Variants in COL26A1 observed in about 807,000 individuals in gnomAD.
COL26A1 encodes the protein collagen alpha-1(XXVI) chain.
A neutral mutation model predicts 59.3 loss-of-function variants in COL26A1; 41 were observed. The ratio of observed to expected loss-of-function variants is 0.69; its 90% CI spans 0.54 to 0.90. The LOEUF (loss-of-function observed/expected upper bound fraction) is 0.90, where lower values mean the gene tolerates loss of function less well. Among genes scored for constraint, COL26A1 ranks in the 40% least tolerant of loss-of-function variants. COL26A1 has a pLI of 0.00. For synonymous variants in COL26A1, 266 were observed against 256.0 expected, an observed-to-expected ratio of 1.04 and a Z score of -0.37; for missense variants, 612 against 602.3, an observed-to-expected ratio of 1.02 and a Z score of -0.17.
chr7:101,531,511 A>G (rs972926207), intron 3 of COL26A1, among the ~76,000 whole-genome samples: 10 of 152,128 alleles, frequency 6.6e-5, no homozygotes, highest in Non-Finnish European at 1.3e-4. Flanking sequence ...TATGGAGGAG[A>G]AAGAGTTCTA....
rs80322812 is a variant in COL26A1, at chr7:101,408,375, C to T, written c.159-11602C>T. Among the ~76,000 whole-genome samples, 226 of 152,298 alleles carry T rather than the reference C, an allele frequency of 1.5e-3. 1 individual carries two copies. Among genetic ancestry groups the T allele is most frequent in the South Asian group, 2.9e-3 (14 of 4,828 alleles). On this transcript the variant is annotated intron_variant, in intron 1 of 12. Coordinates refer to ENST00000313669, the MANE Select transcript of COL26A1 (RefSeq NM_001278563.3). ...GGGATATGTCCAGGCTTTTCAAGTGCGCCTCCACCAGTCACAGGATGGAGG... is the reference window on the plus strand; with the variant it reads ...GGGATATGTCCAGGCTTTTCAAGTGTGCCTCCACCAGTCACAGGATGGAGG...
intron 3 of COL26A1, among the ~76,000 whole-genome samples, chr7:101,489,826 CTTTCTTTCTTTCTTTCTTT>C: frequency 1.1e-4 from 1 of 9,380 alleles, no homozygotes; most frequent in Non-Finnish European, 1.7e-4. Flanking sequence ...TTCTTTCTTT[CTTTCTTTCTTTCTTTCTTT>C]CTTTCTTTCT....
intron 3 of COL26A1, among the ~76,000 whole-genome samples, chr7:101,476,738 G>A (rs1014512022): frequency 4.7e-5 from 7 of 150,180 alleles, no homozygotes; most frequent in African/African-American, 1.5e-4. Context: ...TAGTAGAGAC[G>A]GGGTTTTACC....
At chr7:101,537,076 G>A (rs1562794715) in intron 4 of COL26A1, among the ~76,000 whole-genome samples, 1 of 152,200 alleles carries the variant, frequency 6.6e-6, no homozygotes, top group Non-Finnish European at 1.5e-5. Context: ...CCTTTCCTGG[G>A]TCACATGTAC....
intron 1 of COL26A1, among the ~76,000 whole-genome samples, chr7:101,381,336 CCT>C (rs1791442444): frequency 6.6e-6 from 1 of 151,980 alleles, no homozygotes; most frequent in African/African-American, 2.4e-5. Context: ...GATCTTCCTG[CCT>C]CTCTCTTGTA....
At chr7:101,496,273 T>A (rs74843217) in intron 3 of COL26A1, among the ~76,000 whole-genome samples, 3,412 of 152,054 alleles carry the variant, frequency 0.022, 62 homozygotes, top group Non-Finnish European at 0.036. Flanking sequence ...GGCCATGGGG[T>A]TAATGCCCGG....
chr7:101,363,101 C>T lies in COL26A1; in HGVS notation c.69C>T (p.Phe23=), dbSNP rs4989266. 801,298 of 1,559,140 alleles carry T rather than the reference C, an allele frequency of 0.51. 210,201 individuals are homozygous for T. Among genetic ancestry groups the T allele is most frequent in the African/African-American group, 0.8 (57,746 of 72,004 alleles). Residue 23 remains phenylalanine, a synonymous_variant, in exon 1 of 13, where the codon TTC becomes TTT. Transcript: ENST00000313669. ...CLCGSALATG[F]LYPFSAAALQ... ...GCGGGTCGGCGCTGGCCACCGGCTT[C>T]CTCTATCCCTTCTCGGCCGCAGCTC...
chr7:101,403,570 G>T (rs1403193596), intron 1 of COL26A1, among the ~76,000 whole-genome samples: 4 of 151,930 alleles, frequency 2.6e-5, no homozygotes, highest in Admixed American at 6.6e-5. Context: ...TAGAGACCAG[G>T]TCTTGCTATA....
At chr7:101,444,643 G>C (rs28521824) in intron 2 of COL26A1, among the ~76,000 whole-genome samples, 2 of 151,736 alleles carry the variant, frequency 1.3e-5, no homozygotes, top group East Asian at 1.9e-4. Flanking sequence ...TTGAACTCCC[G>C]ACCTCAGGTG....
chr7:101,426,020 T>G (rs908680720), intron 2 of COL26A1, among the ~76,000 whole-genome samples: 2 of 151,860 alleles, frequency 1.3e-5, no homozygotes, highest in African/African-American at 4.8e-5. Context: ...AGGGATGAGG[T>G]TTCACCATGT....
intron 12 of COL26A1, 69 bp from the exon 13 acceptor site, chr7:101,557,301 C>T (rs2130695220): frequency 6.7e-7 from 1 of 1,499,360 alleles, no homozygotes; most frequent in African/African-American, 1.4e-5. Flanking sequence ...GGCCACATAT[C>T]ATGATCAAAT....
intron 1 of COL26A1, among the ~76,000 whole-genome samples, chr7:101,386,716 C>T (rs11764378): frequency 0.055 from 8,391 of 152,268 alleles, 260 homozygotes; most frequent in East Asian, 0.086. Flanking sequence ...CCAACTCACG[C>T]AGGAGCTCAC....
intron 12 of COL26A1, among the ~76,000 whole-genome samples, chr7:101,556,876 G>A (rs913303123): frequency 8.7e-5 from 13 of 150,160 alleles, no homozygotes; most frequent in African/African-American, 3.2e-4. Flanking sequence ...TAGATGCATA[G>A]ATAAATGAAT....
intron 3 of COL26A1, among the ~76,000 whole-genome samples, chr7:101,483,050 C>T (rs1048722467): frequency 3.9e-5 from 6 of 151,998 alleles, no homozygotes; most frequent in Non-Finnish European, 5.9e-5. Context: ...GGATCTTTTA[C>T]GGCCTCAACC....
At chr7:101,446,828 C>G (rs1272817864) in intron 2 of COL26A1, among the ~76,000 whole-genome samples, 1 of 146,252 alleles carries the variant, frequency 6.8e-6, no homozygotes, top group African/African-American at 2.5e-5. Context: ...GCCTGGGCAA[C>G]AGAGTGAGAC....
At chr7:101,475,805 CTTCT>C (rs57833462) in intron 3 of COL26A1, among the ~76,000 whole-genome samples, 50,796 of 114,870 alleles carry the variant, frequency 0.44, 9,730 homozygotes, top group African/African-American at 0.51. Flanking sequence ...TCCTTCCTTC[CTTCT>C]TTCTTTCTTT....
intron 3 of COL26A1, among the ~76,000 whole-genome samples, chr7:101,475,908 C>T (rs1794033539): frequency 6.8e-6 from 1 of 147,974 alleles, no homozygotes; most frequent in African/African-American, 2.5e-5. Flanking sequence ...CTCTCTTTCT[C>T]TCTCTCTCTC....
At chr7:101,514,493 GAC>G (rs1421742057) in intron 3 of COL26A1, among the ~76,000 whole-genome samples, 4 of 152,192 alleles carry the variant, frequency 2.6e-5, no homozygotes, top group Admixed American at 2.0e-4. Context: ...TGAGTCAGGG[GAC>G]CCAGGGTTGT....
chr7:101,485,816 A>G (rs1169721261), intron 3 of COL26A1, among the ~76,000 whole-genome samples: 2 of 152,144 alleles, frequency 1.3e-5, no homozygotes, highest in South Asian at 2.1e-4. Context: ...CGCGGCAGCC[A>G]TGTGACCTTG....
Sources: allele counts gnomAD v4.1 joint callset (sites outside exome capture counted in the v4.1 genomes callset), GRCh38; gene constraint gnomAD v4.1.1; transcripts MANE v1.5; gene names NCBI Gene and HGNC (gene_info 2026-07-23, HGNC 2026-07-21).